Variants in NDST3 observed in about 807,000 individuals in gnomAD.
NDST3 encodes the protein bifunctional heparan sulfate N-deacetylase/N-sulfotransferase 3.
Under a neutral mutation model 96.1 loss-of-function variants are expected in NDST3, and 58 were observed. That is an observed-to-expected ratio of 0.60 (90% confidence interval 0.49 to 0.75). NDST3 has a LOEUF of 0.75. Ranked by LOEUF, NDST3 falls within the 30% of genes least tolerant of loss-of-function variation. The pLI is 0.00. For missense variants in NDST3, 788 were observed against 1,034.2 expected (o/e 0.76, Z 3.27); for synonymous variants, 333 against 359.7 (o/e 0.93, Z 0.84).
At chr4:118,147,759 T>C (rs1487176195) in intron 6 of NDST3, among the ~76,000 whole-genome samples, 1 of 152,210 alleles carries the variant, frequency 6.6e-6, no homozygotes, top group Non-Finnish European at 1.5e-5. Flanking sequence ...TTTGTACTTC[T>C]TGTGGGAGCC....
At chr4:118,238,230 AAAG>A (rs1489474885) in intron 10 of NDST3, among the ~76,000 whole-genome samples, 1 of 151,786 alleles carries the variant, frequency 6.6e-6, no homozygotes, top group Non-Finnish European at 1.5e-5. Flanking sequence ...AAAGAAAAAG[AAAG>A]AAGAAAAAAA....
At chr4:118,106,530 G>C (rs1249302081) in intron 3 of NDST3, among the ~76,000 whole-genome samples, 2 of 151,978 alleles carry the variant, frequency 1.3e-5, no homozygotes, top group Non-Finnish European at 2.9e-5. Context: ...TGTAGAGAAG[G>C]GGTCTCACTA....
At chr4:118,062,236 G>A (rs1725952632) in intron 2 of NDST3, among the ~76,000 whole-genome samples, 1 of 152,104 alleles carries the variant, frequency 6.6e-6, no homozygotes, top group African/African-American at 2.4e-5. Flanking sequence ...CATTGTAAAT[G>A]TCTTTATTTT....
At chr4:118,116,450 G>C (rs1179411169) in intron 4 of NDST3, among the ~76,000 whole-genome samples, 1 of 151,494 alleles carries the variant, frequency 6.6e-6, no homozygotes, top group South Asian at 2.1e-4. Flanking sequence ...GTCATTCACT[G>C]TTACATCTGC....
intron 10 of NDST3, among the ~76,000 whole-genome samples, chr4:118,237,729 G>T (rs763953220): frequency 4.6e-5 from 7 of 152,138 alleles, no homozygotes; most frequent in African/African-American, 7.2e-5. Flanking sequence ...ATAGGCAGTA[G>T]GCCATAGATT....
At chr4:118,242,974 T>G (rs1427063589) in intron 12 of NDST3, among the ~76,000 whole-genome samples, 1 of 152,178 alleles carries the variant, frequency 6.6e-6, no homozygotes, top group Non-Finnish European at 1.5e-5. Flanking sequence ...TGCGTCCATT[T>G]AGAATAGTTG....
intron 3 of NDST3, among the ~76,000 whole-genome samples, chr4:118,110,693 A>C (rs547298261): frequency 1.3e-5 from 2 of 152,328 alleles, no homozygotes; most frequent in East Asian, 1.9e-4. Context: ...ATAAGATTTC[A>C]GCATAGTTTT....
chr4:118,137,333 T>C (rs1051667420), intron 4 of NDST3, among the ~76,000 whole-genome samples: 1 of 152,030 alleles, frequency 6.6e-6, no homozygotes, highest in Non-Finnish European at 1.5e-5. Context: ...TATTACTGTG[T>C]AATTTTCCTC....
At chr4:118,104,833 T>C (rs1386774514) in intron 2 of NDST3, among the ~76,000 whole-genome samples, 185 bp from the exon 3 acceptor site, 1 of 152,196 alleles carries the variant, frequency 6.6e-6, no homozygotes, top group Non-Finnish European at 1.5e-5. Flanking sequence ...AATAAATGTA[T>C]GTGTTTCATG....
At chr4:118,132,291 C>T (rs1227633988) in intron 4 of NDST3, among the ~76,000 whole-genome samples, 2 of 152,186 alleles carry the variant, frequency 1.3e-5, no homozygotes, top group Non-Finnish European at 2.9e-5. Context: ...TAAAGTACTT[C>T]CTGCTCTTCC....
At chr4:118,164,304 C>T (rs527464624) in intron 6 of NDST3, among the ~76,000 whole-genome samples, 1 of 152,188 alleles carries the variant, frequency 6.6e-6, no homozygotes, top group Admixed American at 6.5e-5. Context: ...AACACATGGA[C>T]ACAAAGAGGG....
intron 6 of NDST3, among the ~76,000 whole-genome samples, chr4:118,175,164 A>G (rs1453325587): frequency 1.3e-5 from 2 of 152,044 alleles, no homozygotes; most frequent in Non-Finnish European, 2.9e-5. Context: ...TTCTTGCCTC[A>G]CAGAGGTACC....
chr4:118,254,245 C>CAA (rs33924467), intron 13 of NDST3, among the ~76,000 whole-genome samples: 12 of 127,664 alleles, frequency 9.4e-5, no homozygotes, highest in African/African-American at 3.4e-4. Context: ...AACTCCAACT[C>CAA]AAAAAAAAAA....
chr4:118,153,964 T>C (rs1444125326), intron 6 of NDST3, among the ~76,000 whole-genome samples: 2 of 152,184 alleles, frequency 1.3e-5, no homozygotes, highest in African/African-American at 4.8e-5. Context: ...GTAGTTATCC[T>C]AGATCACACA....
At chr4:118,169,416 T>C (rs1439663923) in intron 6 of NDST3, among the ~76,000 whole-genome samples, 2 of 152,118 alleles carry the variant, frequency 1.3e-5, no homozygotes, top group Non-Finnish European at 2.9e-5. Flanking sequence ...TTTTAAGTTA[T>C]TTTTTAGCCC....
intron 8 of NDST3, 78 bp downstream of exon 8, chr4:118,227,060 C>A: frequency 1.0e-6 from 1 of 959,006 alleles, no homozygotes; most frequent in Non-Finnish European, 1.6e-6. Context: ...ACAATAAGTT[C>A]GTAAACTTCC....
chr4:118,044,590 G>A (rs1236857558), intron 1 of NDST3, among the ~76,000 whole-genome samples: 2 of 152,208 alleles, frequency 1.3e-5, no homozygotes. Context: ...TATTCTCCAT[G>A]TTATTAATTC....
chr4:118,143,603 C>A lies in NDST3; in HGVS notation c.1458C>A (p.Tyr486Ter). 1 of 1,609,094 alleles carries A rather than the reference C, an allele frequency of 6.2e-7. No homozygotes were observed. Among genetic ancestry groups the A allele is most frequent in the African/African-American group, 1.3e-5 (1 of 74,648 alleles). The change falls in exon 6 of 14, where the codon TAC (tyrosine) becomes TAA (stop). Residue 486 changes from tyrosine to a stop codon, truncating the protein, a stop_gained. Coordinates refer to ENST00000296499, the MANE Select transcript of NDST3 (RefSeq NM_004784.3). LOFTEE classifies it high-confidence loss of function. ...TCGLFTHTIF[Y>*]KEYPGGPKEL... ...GGCTTTTCACTCACACCATTTTCTA[C>A]AAAGAATATCCAGGGGGTCCTAAAG...
In NDST3 at chr4:118,051,497, C is replaced by A. The variant is rs1231304093; in HGVS notation, c.-155-2259C>A. Among the ~76,000 whole-genome samples the A allele has an allele frequency of 2.6e-5, 4 of 152,018 alleles. No homozygotes were observed. In the East Asian group the frequency reaches 5.8e-4, roughly 22 times the overall value. ...CCTACAGAATGGGAGAAAATATTCA[C>A]AAAGTGTGCATCCAACAAAGGTCTA... On this transcript the variant is annotated intron_variant, in intron 1 of 13. Transcript: ENST00000296499.
Sources: gnomAD v4.1 joint callset for allele counts (sites outside exome capture counted in the v4.1 genomes callset) on GRCh38, gnomAD v4.1.1 for gene constraint, MANE v1.5 for transcripts, NCBI Gene and HGNC (gene_info 2026-07-23, HGNC 2026-07-21) for gene names.